Variants in FBXL7 observed in about 807,000 individuals in gnomAD.
FBXL7 encodes F-box/LRR-repeat protein 7.
In FBXL7, 12 loss-of-function variants were observed where a neutral mutation model predicts 38.3. The observed-to-expected ratio is 0.31, with a 90% confidence interval of 0.20 to 0.51. The LOEUF (loss-of-function observed/expected upper bound fraction) is 0.51. FBXL7 is among the 20% of genes least tolerant of loss of function. FBXL7 has a pLI of 0.98. For missense variants in FBXL7, 567 were observed against 676.4 expected (o/e 0.84, Z 1.79); for synonymous variants, 297 against 300.9 (o/e 0.99, Z 0.13).
At chr5:15,774,288 G>C (rs183597250) in intron 2 of FBXL7, among the ~76,000 whole-genome samples, 1 of 151,906 alleles carries the variant, frequency 6.6e-6, no homozygotes, top group African/African-American at 2.4e-5. Flanking sequence ...TGGGTCTACC[G>C]GGATAATCCA....
In FBXL7 at chr5:15,661,730, T is replaced by G. The variant is rs566822300; in HGVS notation, c.127+45658T>G. Among the ~76,000 whole-genome samples the G allele has an allele frequency of 1.5e-3, 223 of 152,328 alleles. 9 individuals are homozygous for G. In the South Asian group the frequency reaches 0.045, roughly 31 times the overall value. ...CACCTTCAAATAGGTCCAAGCTTTG[T>G]GTTCATAAATCCTCATTATTTAGCT... On this transcript the variant is annotated intron_variant, in intron 2 of 3. Transcript: ENST00000504595.
chr5:15,620,607 A>G lies in FBXL7; in HGVS notation c.127+4535A>G, dbSNP rs115328020. On this transcript the variant is annotated intron_variant, in intron 2 of 3. Transcript: ENST00000504595. ...CTGTGGGGAGAGATCGGGCCAGCAGACCCGTTCCGAGGGGAGGATTGGCTG... is the reference window on the plus strand; with the variant it reads ...CTGTGGGGAGAGATCGGGCCAGCAGGCCCGTTCCGAGGGGAGGATTGGCTG... 3.6e-3 allele frequency among the ~76,000 whole-genome samples: 551 copies of G among 151,854 alleles called. 3 individuals are homozygous for G. The highest frequency in any genetic ancestry group is 0.013 in the African/African-American group (532 of 41,418).
rs141345281 is a variant in FBXL7 at position 15,608,616 on chromosome 5, A to G, written c.38-7367A>G. On this transcript the variant is annotated intron_variant, in intron 1 of 3. Coordinates refer to ENST00000504595, the MANE Select transcript of FBXL7 (RefSeq NM_012304.5). ...TTTAAGTAAAGGAGATTATCTCTGA[A>G]AATAATAATATGGATGGGCCACATC... Among the ~76,000 whole-genome samples the G allele has an allele frequency of 4.7e-3, 715 of 152,266 alleles. 4 individuals are homozygous for G. The highest frequency in any genetic ancestry group is 0.017 in the African/African-American group (695 of 41,536).
At chr5:15,857,399 A>G (rs1009280842) in intron 2 of FBXL7, among the ~76,000 whole-genome samples, 2 of 152,232 alleles carry the variant, frequency 1.3e-5, no homozygotes, top group African/African-American at 2.4e-5. Context: ...AAGCTGAGGA[A>G]CACAGAGAGA....
At chr5:15,515,803 A>T (rs1736918962) in intron 1 of FBXL7, among the ~76,000 whole-genome samples, 1 of 152,210 alleles carries the variant, frequency 6.6e-6, no homozygotes, top group Non-Finnish European at 1.5e-5. Context: ...ATGAAAAATG[A>T]CTAAAAATTA....
chr5:15,527,345 G>C (rs892134117), intron 1 of FBXL7, among the ~76,000 whole-genome samples: 6 of 152,152 alleles, frequency 3.9e-5, no homozygotes. Context: ...TGAAGTATCT[G>C]TGATGGTGAT....
intron 2 of FBXL7, among the ~76,000 whole-genome samples, chr5:15,834,507 T>C (rs1195656394): frequency 1.3e-5 from 2 of 152,228 alleles, no homozygotes; most frequent in Non-Finnish European, 2.9e-5. Flanking sequence ...TTGAAAATTA[T>C]TCTTTGGCAT....
In FBXL7 at chr5:15,912,479, C is replaced by T. The variant is rs559811149; in HGVS notation, c.128-15411C>T. Among the ~76,000 whole-genome samples, 151 of 149,068 alleles carry T rather than the reference C, an allele frequency of 1.0e-3. 3 individuals are homozygous for T. The highest frequency in any genetic ancestry group is 3.4e-3 in the African/African-American group (133 of 39,042). On this transcript the variant is annotated intron_variant, in intron 2 of 3. Coordinates refer to ENST00000504595, the MANE Select transcript of FBXL7 (RefSeq NM_012304.5). Reference sequence around the variant, plus strand: ...CTCAGATGGAAATGCAGAAATCACCCGTCTTCTGCGTCGCTCACGCTGGGA... The same window carrying T: ...CTCAGATGGAAATGCAGAAATCACCTGTCTTCTGCGTCGCTCACGCTGGGA...
chr5:15,624,838 T>G (rs1343303957), intron 2 of FBXL7, among the ~76,000 whole-genome samples: 3 of 151,716 alleles, frequency 2.0e-5, no homozygotes, highest in Non-Finnish European at 2.9e-5. Context: ...TATGTAAAAT[T>G]AAATGAGTGT....
At chr5:15,569,123 G>C (rs1417024735) in intron 1 of FBXL7, among the ~76,000 whole-genome samples, 1 of 152,174 alleles carries the variant, frequency 6.6e-6, no homozygotes, top group Non-Finnish European at 1.5e-5. Flanking sequence ...CTAATTCTGT[G>C]AAGAAAGTCA....
At chr5:15,599,345 GTGTGTGTGTTTGTA>G (rs1179598918) in intron 1 of FBXL7, among the ~76,000 whole-genome samples, 1 of 152,140 alleles carries the variant, frequency 6.6e-6, no homozygotes, top group African/African-American at 2.4e-5. Context: ...ATGTGGATAT[GTGTGTGTGTTTGTA>G]TGTGTGTGTA....
chr5:15,916,174 T>C (rs1328547468), intron 2 of FBXL7, among the ~76,000 whole-genome samples: 1 of 152,238 alleles, frequency 6.6e-6, no homozygotes, highest in Non-Finnish European at 1.5e-5. Flanking sequence ...AATCATTCTA[T>C]GCCTGTGCTA....
chr5:15,841,796 C>A (rs1323203167), intron 2 of FBXL7, among the ~76,000 whole-genome samples: 1 of 152,196 alleles, frequency 6.6e-6, no homozygotes, highest in African/African-American at 2.4e-5. Context: ...AGGAGGCAAG[C>A]CCCAAGCCTT....
chr5:15,818,927 C>T (rs377246631), intron 2 of FBXL7, among the ~76,000 whole-genome samples: 9 of 152,216 alleles, frequency 5.9e-5, no homozygotes, highest in South Asian at 2.1e-4. Context: ...CTCCATTAAG[C>T]TTGCCTCTGA....
chr5:15,893,968 T>A (rs1308001281), intron 2 of FBXL7, among the ~76,000 whole-genome samples: 1 of 152,224 alleles, frequency 6.6e-6, no homozygotes, highest in Non-Finnish European at 1.5e-5. Flanking sequence ...GCTAGGTGCT[T>A]AGCCCCAGGC....
At chr5:15,521,654 T>C (rs761104241) in intron 1 of FBXL7, among the ~76,000 whole-genome samples, 1 of 152,206 alleles carries the variant, frequency 6.6e-6, no homozygotes, top group Non-Finnish European at 1.5e-5. Context: ...TTGGATTATA[T>C]CATTTAACTT....
At chr5:15,779,343 T>G (rs1206681980) in intron 2 of FBXL7, among the ~76,000 whole-genome samples, 1 of 152,152 alleles carries the variant, frequency 6.6e-6, no homozygotes, top group African/African-American at 2.4e-5. Flanking sequence ...AGAATAAGAA[T>G]TGTAATGTTC....
chr5:15,555,976 T>TCTAG (rs1259482248), intron 1 of FBXL7, among the ~76,000 whole-genome samples: 3 of 98,412 alleles, frequency 3.0e-5, no homozygotes, highest in African/African-American at 1.2e-4. Flanking sequence ...CTGTCTATCA[T>TCTAG]CTATCTATCT....
chr5:15,608,375 C>G (rs898822484), intron 1 of FBXL7, among the ~76,000 whole-genome samples: 4 of 152,112 alleles, frequency 2.6e-5, no homozygotes, highest in Admixed American at 1.3e-4. Context: ...TTATGGTTGA[C>G]ACAAGAGTGC....
Sources: gnomAD v4.1 joint callset for allele counts (sites outside exome capture counted in the v4.1 genomes callset) on GRCh38, gnomAD v4.1.1 for gene constraint, MANE v1.5 for transcripts, NCBI Gene and HGNC (gene_info 2026-07-23, HGNC 2026-07-21) for gene names.